The following CDC25C variants were observed in gnomAD, a reference collection of about 807,000 sequenced individuals.
CDC25C encodes the protein M-phase inducer phosphatase 3.
In CDC25C, 48 loss-of-function variants were observed where a neutral mutation model predicts 52.5. The observed-to-expected ratio is 0.91, with a 90% CI of 0.72 to 1.16. The LOEUF (loss-of-function observed/expected upper bound fraction) is 1.16. Among genes scored for constraint, CDC25C ranks in the 50% most tolerant of loss-of-function variants. CDC25C has a pLI of 0.00. For missense variants in CDC25C, 510 were observed against 566.1 expected (o/e 0.90, Z 1.01); for synonymous variants, 187 against 206.5 (o/e 0.91, Z 0.81).
At chr5:138,304,019 T>C (rs1019418034) in intron 7 of CDC25C, among the ~76,000 whole-genome samples, 2 of 152,220 alleles carry the variant, frequency 1.3e-5, no homozygotes, top group Admixed American at 1.3e-4. Flanking sequence ...AGTTTTCTTC[T>C]GATAGCATCT....
chr5:138,332,766 T>C (rs1018015238), upstream of CDC25C, among the ~76,000 whole-genome samples: 19 of 152,134 alleles, frequency 1.2e-4, no homozygotes, highest in African/African-American at 4.6e-4. Context: ...CTTGGGAGGC[T>C]GAGGCATGAG....
chr5:138,289,488 G>C lies in CDC25C; in HGVS notation c.927+13C>G, dbSNP rs780609752. The C allele has an allele frequency of 2.5e-6, 4 of 1,605,752 alleles. No individual in the cohort carries two copies. The highest frequency in any genetic ancestry group is 3.4e-6 in the Non-Finnish European group (4 of 1,172,354). On this transcript the variant is annotated intron_variant, in intron 10 of 13. Coordinates refer to ENST00000323760, the MANE Select transcript of CDC25C (RefSeq NM_001790.5). ...CTTATGTAACCAGTTACCATCTCCAGAAATCTGCTTACTGTTTCTGGGTTG... is the reference window on the plus strand; with the variant it reads ...CTTATGTAACCAGTTACCATCTCCACAAATCTGCTTACTGTTTCTGGGTTG...
At chr5:138,317,702 A>AAAAAACC (rs1306435813) in intron 7 of CDC25C, among the ~76,000 whole-genome samples, 1 of 140,078 alleles carries the variant, frequency 7.1e-6, no homozygotes, top group Non-Finnish European at 1.7e-5. Context: ...AAAAAAAAAA[A>AAAAAACC]AAAAACCAAA....
chr5:138,307,003 C>T (rs1320001743), intron 7 of CDC25C, among the ~76,000 whole-genome samples: 4 of 151,086 alleles, frequency 2.6e-5, no homozygotes, highest in Non-Finnish European at 5.9e-5. Context: ...GCCACCATGC[C>T]TGGCTAATTT....
At chr5:138,311,077 G>A (rs1484692541) in intron 7 of CDC25C, among the ~76,000 whole-genome samples, 2 of 152,198 alleles carry the variant, frequency 1.3e-5, no homozygotes, top group Non-Finnish European at 2.9e-5. Flanking sequence ...ACCATTCAAT[G>A]AAGAAAGGAG....
At chr5:138,295,138 G>A (rs1227363319) in intron 7 of CDC25C, among the ~76,000 whole-genome samples, 1 of 152,160 alleles carries the variant, frequency 6.6e-6, no homozygotes, top group Non-Finnish European at 1.5e-5. Flanking sequence ...TATCTTGGCT[G>A]AATTACCAGT....
At chr5:138,300,129 G>A (rs962752662) in intron 7 of CDC25C, among the ~76,000 whole-genome samples, 14 of 152,122 alleles carry the variant, frequency 9.2e-5, no homozygotes, top group Non-Finnish European at 1.8e-4. Flanking sequence ...GAGCACACAG[G>A]AGTTCAAGGC....
At chr5:138,320,518 T>C (rs1466362907) in intron 6 of CDC25C, among the ~76,000 whole-genome samples, 1 of 151,824 alleles carries the variant, frequency 6.6e-6, no homozygotes, top group Non-Finnish European at 1.5e-5. Flanking sequence ...TTTGAAGACA[T>C]TACGCTAAAT....
intron 9 of CDC25C, 71 bp downstream of exon 9, chr5:138,290,568 T>G: frequency 1.1e-6 from 1 of 879,674 alleles, no homozygotes; most frequent in Non-Finnish European, 1.9e-6. Context: ...CACCAGGCAT[T>G]CTCGGCAAAC....
chr5:138,331,220 T>C lies in CDC25C; in HGVS notation c.-38-2A>G, dbSNP rs1561728883. 2 of 1,592,170 alleles carry C rather than the reference T, an allele frequency of 1.3e-6. No homozygotes were observed. The highest frequency in any genetic ancestry group is 1.7e-6 in the Non-Finnish European group (2 of 1,161,256). ...CACCAGGAGAAAAACAAAACCTAGCTAGGAGGAAAACGTCATCTAAATCGG... is the reference window on the plus strand; with the variant it reads ...CACCAGGAGAAAAACAAAACCTAGCCAGGAGGAAAACGTCATCTAAATCGG... On this transcript the variant is annotated splice_acceptor_variant, in intron 1 of 13. Transcript: ENST00000323760. LOFTEE classifies it low-confidence loss of function (5UTR_SPLICE).
chr5:138,317,090 C>T (rs763086229), intron 7 of CDC25C, among the ~76,000 whole-genome samples: 3 of 152,060 alleles, frequency 2.0e-5, no homozygotes, highest in African/African-American at 4.8e-5. Context: ...CCCATCTCTA[C>T]AAAAAATTTT....
chr5:138,324,142 G>T (rs533277070), intron 6 of CDC25C, among the ~76,000 whole-genome samples: 50 of 149,868 alleles, frequency 3.3e-4, no homozygotes, highest in Non-Finnish European at 6.1e-4. Context: ...GTGGCAGCAT[G>T]CGCCTGTAGT....
chr5:138,328,583 T>C, intron 3 of CDC25C, 54 bp from the exon 4 acceptor site: 1 of 1,442,286 alleles, frequency 6.9e-7, no homozygotes, highest in Non-Finnish European at 9.8e-7. Flanking sequence ...CCATGCATCC[T>C]GTTTTTCCTT....
At chr5:138,325,344 C>T (rs1759767085) in intron 6 of CDC25C, among the ~76,000 whole-genome samples, 1 of 152,010 alleles carries the variant, frequency 6.6e-6, no homozygotes, top group African/African-American at 2.4e-5. Context: ...CTTGGAACGA[C>T]GGATGGCCTA....
chr5:138,315,755 A>T (rs1188139001), intron 7 of CDC25C, among the ~76,000 whole-genome samples: 2 of 152,354 alleles, frequency 1.3e-5, no homozygotes, highest in East Asian at 3.9e-4. Flanking sequence ...AAGTAAATAA[A>T]AGAATGAGGC....
chr5:138,293,383 G>A (rs1203237064), intron 7 of CDC25C, among the ~76,000 whole-genome samples: 1 of 152,172 alleles, frequency 6.6e-6, no homozygotes, highest in East Asian at 1.9e-4. Flanking sequence ...AAGAAGCCAA[G>A]AGATACAGTC....
chr5:138,304,363 A>G (rs1757847493), intron 7 of CDC25C, among the ~76,000 whole-genome samples: 1 of 131,026 alleles, frequency 7.6e-6, no homozygotes, highest in South Asian at 2.4e-4. Context: ...TTGTAGAGAC[A>G]TGTTGCTGAG....
intron 6 of CDC25C, among the ~76,000 whole-genome samples, chr5:138,320,426 CA>C (rs1204636547): frequency 2.0e-5 from 3 of 152,104 alleles, no homozygotes; most frequent in African/African-American, 7.2e-5. Context: ...AAATGTCCAT[CA>C]ACAGATGAAT....
At position 138,315,604 on chromosome 5, in the gene CDC25C, G is replaced by A. The variant is rs148811973; in HGVS notation, c.615+3615C>T. Among the ~76,000 whole-genome samples, 103 of 152,284 alleles carry A rather than the reference G, an allele frequency of 6.8e-4. 1 individual carries two copies. Among genetic ancestry groups the A allele is most frequent in the East Asian group, 7.7e-4 (4 of 5,192 alleles). Reference sequence around the variant, plus strand: ...CCTTCATCACACAGTTACCATTTGTGTGTATGTGATGAGGACATAAACTGC... The same window carrying A: ...CCTTCATCACACAGTTACCATTTGTATGTATGTGATGAGGACATAAACTGC... On this transcript the variant is annotated intron_variant, in intron 7 of 13. Transcript: ENST00000323760.
Sources: gnomAD v4.1 joint callset for allele counts (sites outside exome capture counted in the v4.1 genomes callset) on GRCh38, gnomAD v4.1.1 for gene constraint, MANE v1.5 for transcripts, NCBI Gene and HGNC (gene_info 2026-07-23, HGNC 2026-07-21) for gene names.